SUSD6: variants seen among roughly 807,000 people sequenced by gnomAD.
SUSD6 encodes the protein sushi domain-containing protein 6.
Under a neutral mutation model 28.4 loss-of-function variants are expected in SUSD6, and 16 were observed. That is an observed-to-expected ratio of 0.56 (90% confidence interval 0.38 to 0.86). The LOEUF is 0.86. Among genes scored for constraint, SUSD6 ranks in the 40% least tolerant of loss-of-function variants. The pLI is 0.00. For missense variants in SUSD6, 341 were observed against 384.2 expected (o/e 0.89, Z 0.94); for synonymous variants, 147 against 159.6 (o/e 0.92, Z 0.59).
At chr14:69,645,432 G>A (rs1885412085) in intron 1 of SUSD6, among the ~76,000 whole-genome samples, 1 of 152,290 alleles carries the variant, frequency 6.6e-6, no homozygotes, top group Non-Finnish European at 1.5e-5. Flanking sequence ...TCAGGGGAGG[G>A]GATGATGGGG....
intron 1 of SUSD6, among the ~76,000 whole-genome samples, chr14:69,650,873 AC>A (rs758737051): frequency 9.9e-5 from 15 of 152,152 alleles, no homozygotes; most frequent in Non-Finnish European, 1.8e-4. Flanking sequence ...GGGAAAGTGG[AC>A]TGTCCTGGGT....
intron 2 of SUSD6, among the ~76,000 whole-genome samples, chr14:69,676,234 A>G (rs1885906840): frequency 6.6e-6 from 1 of 152,174 alleles, no homozygotes; most frequent in African/African-American, 2.4e-5. Context: ...TCAAACCAAG[A>G]GAGAGGTGAG....
At chr14:69,699,924 G>A (rs1886289826) in intron 2 of SUSD6, among the ~76,000 whole-genome samples, 1 of 152,214 alleles carries the variant, frequency 6.6e-6, no homozygotes, top group Non-Finnish European at 1.5e-5. Context: ...CGAAAGATTG[G>A]TTGGACCATG....
intron 2 of SUSD6, among the ~76,000 whole-genome samples, chr14:69,702,440 A>C (rs1347400398): frequency 6.6e-6 from 1 of 152,088 alleles, no homozygotes; most frequent in Non-Finnish European, 1.5e-5. Flanking sequence ...GACCTTCCAG[A>C]TCCTCTGACT....
Position 69,704,638 on chromosome 14 carries a change from G to A in SUSD6, c.354G>A (p.Thr118=), listed in dbSNP as rs142601646. The A allele has an allele frequency of 3.1e-5, 50 of 1,613,888 alleles. No homozygotes were observed. The African/African-American group carries it at 5.5e-4, about 18-fold the overall frequency. ...KDTHTSLGVP[T]LSIVASTASS... ...CCCACACATCACTTGGGGTCCCCACGCTGTCTATAGTGGCTTCTACTGCCA... is the reference window on the plus strand; with the variant it reads ...CCCACACATCACTTGGGGTCCCCACACTGTCTATAGTGGCTTCTACTGCCA... Residue 118 remains threonine, a synonymous_variant, in exon 4 of 6, where the codon ACG becomes ACA. Transcript: ENST00000342745.
intron 1 of SUSD6, among the ~76,000 whole-genome samples, chr14:69,625,031 A>T (rs2139593581): frequency 6.6e-6 from 1 of 152,360 alleles, no homozygotes; most frequent in South Asian, 2.1e-4. Context: ...ATTTAAAAAG[A>T]TAGGTATGTG....
At chr14:69,664,499 A>G (rs190697920) in intron 2 of SUSD6, among the ~76,000 whole-genome samples, 5 of 152,286 alleles carry the variant, frequency 3.3e-5, no homozygotes, top group Admixed American at 3.3e-4. Context: ...CCATGGTGTA[A>G]TTACCTGTGA....
intron 1 of SUSD6, among the ~76,000 whole-genome samples, chr14:69,626,348 C>T (rs964906330): frequency 2.0e-5 from 3 of 151,844 alleles, no homozygotes; most frequent in African/African-American, 7.3e-5. Flanking sequence ...GAAATACTTA[C>T]CAATTAGTGA....
At chr14:69,674,483 TGCTTTGGGG>T (rs1360316486) in intron 2 of SUSD6, among the ~76,000 whole-genome samples, 1 of 152,148 alleles carries the variant, frequency 6.6e-6, no homozygotes, top group African/African-American at 2.4e-5. Context: ...GTACGTCGAG[TGCTTTGGGG>T]GTTAAAAGTA....
At chr14:69,669,916 A>G (rs980174285) in intron 2 of SUSD6, among the ~76,000 whole-genome samples, 1 of 152,150 alleles carries the variant, frequency 6.6e-6, no homozygotes, top group African/African-American at 2.4e-5. Flanking sequence ...TAGAATCTTG[A>G]CTGACTTTGA....
intron 1 of SUSD6, among the ~76,000 whole-genome samples, chr14:69,631,252 G>A (rs946507026): frequency 6.6e-6 from 1 of 152,222 alleles, no homozygotes; most frequent in Non-Finnish European, 1.5e-5. Flanking sequence ...GTGCATAGCT[G>A]CAAGCAGCAG....
chr14:69,649,318 A>G (rs1227646397), intron 1 of SUSD6, among the ~76,000 whole-genome samples: 1 of 152,116 alleles, frequency 6.6e-6, no homozygotes, highest in East Asian at 1.9e-4. Context: ...GCTTTAGCAA[A>G]TCGGCTTCCC....
chr14:69,708,167 G>T (rs1886411191), intron 4 of SUSD6, among the ~76,000 whole-genome samples: 1 of 152,236 alleles, frequency 6.6e-6, no homozygotes, highest in Admixed American at 6.5e-5. Context: ...TTTTTTAACA[G>T]CTTTATTGAG....
intron 1 of SUSD6, among the ~76,000 whole-genome samples, chr14:69,650,022 C>T (rs760362788): frequency 7.2e-5 from 11 of 152,174 alleles, no homozygotes; most frequent in Non-Finnish European, 1.3e-4. Context: ...AGGATAGTCA[C>T]AAACAATAGC....
intron 3 of SUSD6, 72 bp from the exon 4 acceptor site, chr14:69,704,531 TC>T: frequency 7.5e-6 from 11 of 1,468,134 alleles, no homozygotes; most frequent in Non-Finnish European, 1.0e-5. Flanking sequence ...TTTGACAAGA[TC>T]AGCTGTGGGG....
At chr14:69,689,150 G>C (rs1886117389) in intron 2 of SUSD6, among the ~76,000 whole-genome samples, 1 of 152,150 alleles carries the variant, frequency 6.6e-6, no homozygotes, top group Non-Finnish European at 1.5e-5. Flanking sequence ...TTGGAGCTCT[G>C]ATACCATTTC....
intron 2 of SUSD6, among the ~76,000 whole-genome samples, chr14:69,692,366 A>G (rs1336987396): frequency 6.6e-6 from 1 of 152,180 alleles, no homozygotes; most frequent in African/African-American, 2.4e-5. Flanking sequence ...TTCTGGTGGC[A>G]TCAGAAAAAA....
chr14:69,612,089 G>A (rs1884885220), intron 1 of SUSD6, among the ~76,000 whole-genome samples: 1 of 151,304 alleles, frequency 6.6e-6, no homozygotes, highest in African/African-American at 2.4e-5. Flanking sequence ...GGGGACCGGC[G>A]GCTGGTTTGC....
intron 2 of SUSD6, among the ~76,000 whole-genome samples, chr14:69,696,468 A>G (rs1886226975): frequency 6.6e-6 from 1 of 152,258 alleles, no homozygotes; most frequent in South Asian, 2.1e-4. Context: ...GCTTCTACAA[A>G]CCATTGAAGG....
Sources: allele counts gnomAD v4.1 joint callset (sites outside exome capture counted in the v4.1 genomes callset), GRCh38; gene constraint gnomAD v4.1.1; transcripts MANE v1.5; gene names NCBI Gene and HGNC (gene_info 2026-07-23, HGNC 2026-07-21).